CLEC16A: variants seen among roughly 807,000 people sequenced by gnomAD.
The protein encoded by CLEC16A is C-type lectin domain containing 16A.
In CLEC16A, 51 loss-of-function variants were observed where a neutral mutation model predicts 109.5. The ratio of observed to expected loss-of-function variants is 0.47; its 90% CI spans 0.37 to 0.59. The LOEUF (loss-of-function observed/expected upper bound fraction) is 0.59, where lower values mean the gene tolerates loss of function less well. Among genes scored for constraint, CLEC16A ranks in the 20% least tolerant of loss-of-function variants. CLEC16A has a pLI of 0.00. For synonymous variants in CLEC16A, 673 were observed against 564.2 expected, an observed-to-expected ratio of 1.19 and a Z score of -2.73; for missense variants, 1,339 against 1,394.0, an observed-to-expected ratio of 0.96 and a Z score of 0.63.
chr16:11,133,775 C>T (rs1431743266), intron 22 of CLEC16A, among the ~76,000 whole-genome samples: 1 of 145,294 alleles, frequency 6.9e-6, no homozygotes, highest in Admixed American at 6.8e-5. Context: ...TTGTAGCTCC[C>T]CAAGGCAAAA....
chr16:11,017,633 A>T (rs1468354833), intron 11 of CLEC16A, among the ~76,000 whole-genome samples: 1 of 152,204 alleles, frequency 6.6e-6, no homozygotes, highest in African/African-American at 2.4e-5. Context: ...TTGGCCAAGT[A>T]TTGGAGATTA....
At chr16:11,006,379 G>T (rs922100176) in intron 11 of CLEC16A, among the ~76,000 whole-genome samples, 6 of 152,224 alleles carry the variant, frequency 3.9e-5, no homozygotes, top group Non-Finnish European at 8.8e-5. Context: ...AAGTCACACT[G>T]TATTTCTGGG....
At chr16:11,073,665 C>T (rs1231018887) in intron 19 of CLEC16A, among the ~76,000 whole-genome samples, 1 of 152,224 alleles carries the variant, frequency 6.6e-6, no homozygotes, top group Non-Finnish European at 1.5e-5. Context: ...TGGACACAGC[C>T]TGCCTGCCCT....
At chr16:11,158,494 G>A (rs1245189493) in intron 22 of CLEC16A, among the ~76,000 whole-genome samples, 4 of 152,172 alleles carry the variant, frequency 2.6e-5, no homozygotes, top group African/African-American at 9.7e-5. Flanking sequence ...GAGGTCTATT[G>A]AAAACTGGAC....
chr16:11,154,151 G>A (rs773891524), intron 22 of CLEC16A, among the ~76,000 whole-genome samples: 4 of 152,246 alleles, frequency 2.6e-5, no homozygotes, highest in African/African-American at 9.6e-5. Flanking sequence ...CCATTTATTT[G>A]TTTGAATACA....
At chr16:10,973,887 CTTTTT>C (rs569414844) in intron 7 of CLEC16A, among the ~76,000 whole-genome samples, 1 of 46,586 alleles carries the variant, frequency 2.1e-5, no homozygotes, top group African/African-American at 1.2e-4. Flanking sequence ...GGGCTGCTTG[CTTTTT>C]TTTTTTTTTT....
chr16:10,989,901 TCCGATGTCAG>T (rs2043899425), intron 10 of CLEC16A, among the ~76,000 whole-genome samples: 1 of 152,178 alleles, frequency 6.6e-6, no homozygotes, highest in Non-Finnish European at 1.5e-5. Flanking sequence ...CAAACTTGTA[TCCGATGTCAG>T]CCGAGTCTCC....
intron 19 of CLEC16A, among the ~76,000 whole-genome samples, chr16:11,074,640 A>G (rs1317132777): frequency 6.6e-6 from 1 of 152,160 alleles, no homozygotes; most frequent in Non-Finnish European, 1.5e-5. Flanking sequence ...ACTTACAATC[A>G]TAATTGAGCC....
rs2068964628 is a variant in CLEC16A, at chr16:11,181,781, A to G, written c.*3091A>G. The G allele has an allele frequency of 2.6e-5, 4 of 152,562 alleles. No homozygotes were observed. The South Asian group carries it at 8.3e-4, about 32-fold the overall frequency. 9.5% of individuals were successfully genotyped at this position (152,562 alleles called of 1,614,324 possible). A position where few individuals can be genotyped will look rare whatever the true frequency, so the allele number is the denominator to read the frequency against. ...AGACACTTGCGTTCACAAGCAACCTAAGGGGCAGGTGAAGAAGCGCAGCCC... is the reference window on the plus strand; with the variant it reads ...AGACACTTGCGTTCACAAGCAACCTGAGGGGCAGGTGAAGAAGCGCAGCCC... On this transcript the variant is annotated 3_prime_UTR_variant, in exon 24 of 24. Transcript: ENST00000409790.
intron 4 of CLEC16A, among the ~76,000 whole-genome samples, chr16:10,969,525 C>A (rs2042677444): frequency 1.3e-5 from 2 of 152,072 alleles, no homozygotes; most frequent in Admixed American, 6.5e-5. Flanking sequence ...AAATGTAATT[C>A]TTTGTAGAGA....
intron 22 of CLEC16A, among the ~76,000 whole-genome samples, chr16:11,151,953 A>G (rs1246772219): frequency 1.3e-5 from 2 of 152,162 alleles, no homozygotes; most frequent in Non-Finnish European, 2.9e-5. Flanking sequence ...AATTAACGGA[A>G]CTACAGAGAA....
intron 1 of CLEC16A, among the ~76,000 whole-genome samples, chr16:10,948,048 C>T (rs951169866): frequency 7.9e-5 from 12 of 152,176 alleles, no homozygotes; most frequent in South Asian, 2.1e-4. Context: ...CGCCCGCCAC[C>T]ACGCCCAGCT....
intron 10 of CLEC16A, among the ~76,000 whole-genome samples, chr16:10,994,083 A>C (rs757693087): frequency 1.3e-5 from 2 of 152,172 alleles, no homozygotes. Flanking sequence ...GTCTGTTCCA[A>C]TTCCTGAGAG....
intron 22 of CLEC16A, among the ~76,000 whole-genome samples, chr16:11,157,964 C>G (rs2054594684): frequency 6.6e-6 from 1 of 152,154 alleles, no homozygotes. Flanking sequence ...TTCTATGTCA[C>G]CTGCAGATCT....
At chr16:10,947,007 G>A (rs2041419306) in intron 1 of CLEC16A, among the ~76,000 whole-genome samples, 1 of 152,214 alleles carries the variant, frequency 6.6e-6, no homozygotes, top group African/African-American at 2.4e-5. Context: ...TCGCCAATGG[G>A]GCATCTTTGC....
At chr16:11,034,171 C>T (rs969456509) in intron 13 of CLEC16A, among the ~76,000 whole-genome samples, 4 of 152,192 alleles carry the variant, frequency 2.6e-5, no homozygotes, top group African/African-American at 7.2e-5. Context: ...ACTTGCACAA[C>T]GTCAGTTTGG....
intron 19 of CLEC16A, among the ~76,000 whole-genome samples, chr16:11,094,511 G>A (rs920764703): frequency 3.3e-5 from 5 of 152,218 alleles, no homozygotes; most frequent in Non-Finnish European, 7.3e-5. Flanking sequence ...ACAAGGCCTT[G>A]CCTCTGAAGT....
intron 22 of CLEC16A, among the ~76,000 whole-genome samples, chr16:11,128,366 C>G (rs567741161): frequency 1.0e-3 from 152 of 152,330 alleles, no homozygotes; most frequent in African/African-American, 3.4e-3. Context: ...GGCTCCAGAA[C>G]CTGGGCCTGC....
At chr16:11,034,117 G>A (rs2046894260) in intron 13 of CLEC16A, among the ~76,000 whole-genome samples, 2 of 152,248 alleles carry the variant, frequency 1.3e-5, no homozygotes, top group Admixed American at 1.3e-4. Context: ...TATGGAAAAG[G>A]TTGAAAGGTA....
Sources: gnomAD v4.1 joint callset for allele counts (sites outside exome capture counted in the v4.1 genomes callset) on GRCh38, gnomAD v4.1.1 for gene constraint, MANE v1.5 for transcripts, NCBI Gene and HGNC (gene_info 2026-07-23, HGNC 2026-07-21) for gene names.